DENND2B: variants seen among roughly 807,000 people sequenced by gnomAD.
The protein encoded by DENND2B is DENN domain-containing protein 2B.
A neutral mutation model predicts 116.0 loss-of-function variants in DENND2B; 32 were observed. The observed-to-expected ratio is 0.28, with a 90% confidence interval of 0.21 to 0.37. The LOEUF (loss-of-function observed/expected upper bound fraction) is 0.37, where lower values mean the gene tolerates loss of function less well. DENND2B is among the 10% of genes least tolerant of loss of function. The pLI is 1.00. For missense variants in DENND2B, 1,276 were observed against 1,477.7 expected (o/e 0.86, Z 2.24); for synonymous variants, 588 against 583.9 (o/e 1.01, Z -0.10).
At chr11:8,829,378 T>C (rs1222732843) in intron 4 of DENND2B, among the ~76,000 whole-genome samples, 4 of 152,054 alleles carry the variant, frequency 2.6e-5, no homozygotes, top group East Asian at 1.9e-4. Flanking sequence ...GCAAAAATCA[T>C]GTGGAGTCAA....
chr11:8,700,139 T>A (rs530791252), intron 14 of DENND2B: 1 of 384,456 alleles, frequency 2.6e-6, no homozygotes, highest in Admixed American at 3.1e-5. Flanking sequence ...AGAAACCTCA[T>A]GGTCCAGGCT....
At chr11:8,897,186 G>A (rs1444133495) in intron 1 of DENND2B, among the ~76,000 whole-genome samples, 1 of 152,146 alleles carries the variant, frequency 6.6e-6, no homozygotes, top group African/African-American at 2.4e-5. Context: ...GAACCCGGGA[G>A]GCAGAGGTTA....
chr11:8,799,112 G>T (rs1006625259), intron 1 of DENND2B, among the ~76,000 whole-genome samples: 12 of 152,174 alleles, frequency 7.9e-5, no homozygotes, highest in Admixed American at 7.2e-4. Flanking sequence ...CTGAGCCATT[G>T]CACCCTGCCC....
intron 1 of DENND2B, among the ~76,000 whole-genome samples, chr11:8,761,181 T>C (rs74053169): frequency 0.019 from 2,830 of 152,316 alleles, 88 homozygotes; most frequent in African/African-American, 0.065. Context: ...TGAGGTCTTG[T>C]TAGGCAATTT....
At chr11:8,786,869 T>C (rs2058958552) in intron 1 of DENND2B, among the ~76,000 whole-genome samples, 1 of 152,166 alleles carries the variant, frequency 6.6e-6, no homozygotes, top group Non-Finnish European at 1.5e-5. Context: ...AACAGCTGCA[T>C]GCTCTCCTTT....
At chr11:8,757,019 T>C (rs1194822435) in intron 1 of DENND2B, 1 of 455,980 alleles carries the variant, frequency 2.2e-6, no homozygotes, top group Non-Finnish European at 4.4e-6. Context: ...AGAGTAACAA[T>C]CCAGAGAAAG....
In DENND2B at chr11:8,893,907, C is replaced by A. The variant is rs555879270; in HGVS notation, c.-255-12798G>T. On this transcript the variant is annotated intron_variant, in intron 1 of 22. Transcript: ENST00000534127. Reference sequence around the variant, plus strand: ...AATTGGAAAAAACTACTGTAAAGTTCATATGGAACCAAAAAAGAGCCCACA... The same window carrying A: ...AATTGGAAAAAACTACTGTAAAGTTAATATGGAACCAAAAAAGAGCCCACA... Among the ~76,000 whole-genome samples, 401 of 152,074 alleles carry A rather than the reference C, an allele frequency of 2.6e-3. 2 individuals carry two copies. Among genetic ancestry groups the A allele is most frequent in the Non-Finnish European group, 4.1e-3 (278 of 67,952 alleles).
At chr11:8,840,680 T>A (rs1486253347) in intron 3 of DENND2B, among the ~76,000 whole-genome samples, 1 of 152,120 alleles carries the variant, frequency 6.6e-6, no homozygotes, top group Non-Finnish European at 1.5e-5. Flanking sequence ...CAAGTAAGAC[T>A]CCTACCCGTT....
chr11:8,800,578 A>G (rs2060228785), intron 1 of DENND2B, among the ~76,000 whole-genome samples: 1 of 152,194 alleles, frequency 6.6e-6, no homozygotes. Context: ...TCACTCAAAG[A>G]GAAAATTTGT....
At chr11:8,789,036 TG>T (rs2059152887) in intron 1 of DENND2B, among the ~76,000 whole-genome samples, 1 of 152,244 alleles carries the variant, frequency 6.6e-6, no homozygotes, top group Non-Finnish European at 1.5e-5. Context: ...TCCATTCCTT[TG>T]TAAGCACACC....
chr11:8,853,164 G>C (rs2063070222), intron 3 of DENND2B, among the ~76,000 whole-genome samples: 1 of 152,120 alleles, frequency 6.6e-6, no homozygotes, highest in Admixed American at 6.5e-5. Flanking sequence ...AGAAGTTCGA[G>C]ACCGGCCTGG....
At chr11:8,738,434 A>G (rs1021350173) in intron 2 of DENND2B, among the ~76,000 whole-genome samples, 4 of 152,080 alleles carry the variant, frequency 2.6e-5, no homozygotes, top group Non-Finnish European at 4.4e-5. Flanking sequence ...GCTACACTTA[A>G]CGCTCTAGAG....
At chr11:8,737,709 T>C (rs1228764960) in intron 2 of DENND2B, among the ~76,000 whole-genome samples, 9 of 151,956 alleles carry the variant, frequency 5.9e-5, no homozygotes, top group African/African-American at 1.9e-4. Context: ...CCTCCCTCCC[T>C]CCTTTCTTTT....
At chr11:8,840,146 C>G (rs940470349) in intron 3 of DENND2B, among the ~76,000 whole-genome samples, 1 of 151,908 alleles carries the variant, frequency 6.6e-6, no homozygotes, top group African/African-American at 2.4e-5. Flanking sequence ...TGTAAACAGG[C>G]CAGGGAAGCC....
intron 2 of DENND2B, among the ~76,000 whole-genome samples, chr11:8,732,516 C>A (rs2048288029): frequency 6.6e-6 from 1 of 152,118 alleles, no homozygotes; most frequent in African/African-American, 2.4e-5. Context: ...ACTCAGCACA[C>A]CCCTGCCACA....
chr11:8,731,619 G>A (rs2048141736), intron 2 of DENND2B, among the ~76,000 whole-genome samples: 1 of 152,182 alleles, frequency 6.6e-6, no homozygotes, highest in South Asian at 2.1e-4. Context: ...AGAGGCAGAG[G>A]CAAGAGGATC....
intron 1 of DENND2B, among the ~76,000 whole-genome samples, chr11:8,883,707 C>T (rs1244324326): frequency 6.6e-6 from 1 of 152,110 alleles, no homozygotes; most frequent in African/African-American, 2.4e-5. Context: ...ACAAAGAATA[C>T]AATTTTATAC....
rs150639378 is a variant in DENND2B at position 8,743,827 on chromosome 11, G to T, written c.80+6794C>A. Among the ~76,000 whole-genome samples the T allele has an allele frequency of 9.7e-3, 1,467 of 150,876 alleles. 25 individuals carry two copies. Among genetic ancestry groups the T allele is most frequent in the African/African-American group, 0.034 (1,407 of 41,012 alleles). On this transcript the variant is annotated intron_variant, in intron 2 of 19. Coordinates refer to ENST00000313726, the MANE Select transcript of DENND2B (RefSeq NM_213618.2). ...AGTGGCTCCATCATGGCTCACTGCA[G>T]CCTTGACCTCCCAGGCTCAAGCGAT... is the stretch of plus-strand genomic sequence containing the variant.
intron 3 of DENND2B, among the ~76,000 whole-genome samples, chr11:8,842,981 C>T (rs1361505717): frequency 6.6e-6 from 1 of 151,210 alleles, no homozygotes; most frequent in East Asian, 2.0e-4. Flanking sequence ...GCCTAAGGAT[C>T]TCAAATTTTG....
Sources: allele counts gnomAD v4.1 joint callset (sites outside exome capture counted in the v4.1 genomes callset), GRCh38; gene constraint gnomAD v4.1.1; transcripts MANE v1.5; gene names NCBI Gene and HGNC (gene_info 2026-07-23, HGNC 2026-07-21).